The following PCDH15 variants were observed in gnomAD, a reference collection of about 807,000 sequenced individuals.
PCDH15 encodes the protein protocadherin-15.
PCDH15 carries 129 observed loss-of-function variants against 178.5 expected under a neutral mutation model. That is an observed-to-expected ratio of 0.72 (90% confidence interval 0.63 to 0.84). PCDH15 has a LOEUF of 0.84. Among genes scored for constraint, PCDH15 ranks in the 40% least tolerant of loss-of-function variants. PCDH15 has a pLI of 0.00. For missense variants in PCDH15, 2,230 were observed against 2,099.9 expected (o/e 1.06, Z -1.21); for synonymous variants, 800 against 732.0 (o/e 1.09, Z -1.50).
chr10:54,798,772 C>G (rs1464365114), intron 1 of PCDH15, among the ~76,000 whole-genome samples: 1 of 151,996 alleles, frequency 6.6e-6, no homozygotes, highest in African/African-American at 2.4e-5. Context: ...GTATTTCTCC[C>G]AGCATTAGGG....
At chr10:55,024,403 G>T (rs1365705922) in intron 2 of PCDH15, among the ~76,000 whole-genome samples, 1 of 147,584 alleles carries the variant, frequency 6.8e-6, no homozygotes, top group Non-Finnish European at 1.5e-5. Flanking sequence ...ATCTGAATCA[G>T]ATTTCATATA....
intron 1 of PCDH15, among the ~76,000 whole-genome samples, chr10:54,728,999 A>C (rs1025714209): frequency 6.6e-6 from 1 of 151,688 alleles, no homozygotes. Flanking sequence ...CATACTGTCC[A>C]AAGCTACTAC....
chr10:55,341,797 ATATATATATTTTTTTTTTTTTTT>A (rs1267945540), intron 2 of PCDH15, among the ~76,000 whole-genome samples: 3 of 11,346 alleles, frequency 2.6e-4, no homozygotes, highest in African/African-American at 3.8e-4. Flanking sequence ...ATATATATAT[ATATATATATTTTTTTTTTTTTTT>A]TTTTTTTTTT....
chr10:54,036,515 C>T (rs963688658), intron 18 of PCDH15, among the ~76,000 whole-genome samples: 1 of 151,742 alleles, frequency 6.6e-6, no homozygotes, highest in Non-Finnish European at 1.5e-5. Context: ...TTTATGGAAG[C>T]ATAAACTATG....
intron 8 of PCDH15, among the ~76,000 whole-genome samples, chr10:54,274,841 G>T (rs11004196): frequency 1.3e-5 from 2 of 151,906 alleles, no homozygotes; most frequent in East Asian, 3.9e-4. Context: ...AGCAAATAAA[G>T]AATAAATTGA....
intron 2 of PCDH15, among the ~76,000 whole-genome samples, chr10:54,617,332 A>G (rs1053253679): frequency 6.6e-6 from 1 of 152,164 alleles, no homozygotes; most frequent in African/African-American, 2.4e-5. Flanking sequence ...TGTAAAATGT[A>G]GCACTTTCGT....
At chr10:55,095,753 TA>T (rs1168209718) in intron 2 of PCDH15, among the ~76,000 whole-genome samples, 1 of 152,084 alleles carries the variant, frequency 6.6e-6, no homozygotes, top group African/African-American at 2.4e-5. Flanking sequence ...TGATAACAGG[TA>T]AAAAATTGTG....
At chr10:54,024,261 T>C (rs570453281) in intron 18 of PCDH15, among the ~76,000 whole-genome samples, 2 of 152,224 alleles carry the variant, frequency 1.3e-5, no homozygotes, top group South Asian at 2.1e-4. Flanking sequence ...AAAAGTTCCA[T>C]GTAAAAGAAA....
rs532827234 is a variant in PCDH15 at position 54,794,126 on chromosome 10, GATATAT to G, written c.-29+6793_-29+6798del. Among the ~76,000 whole-genome samples, 335 of 143,854 alleles carry G rather than the reference GATATAT, an allele frequency of 2.3e-3. 3 individuals carry two copies. Among genetic ancestry groups the G allele is most frequent in the African/African-American group, 6.8e-3 (268 of 39,272 alleles). The allele number at this position is 143,854 out of a possible 152,430, so 94.4% of individuals were successfully genotyped here. The stretch of plus-strand genomic sequence containing the variant: ...TTTCTTTCCTTTAAGATATATATAA[GATATAT>G]ATATATCTTATATATATCTTAAAGG... On this transcript the variant is annotated intron_variant, in intron 1 of 37. Transcript: ENST00000644397.
chr10:54,770,554 T>A (rs1948978509), intron 1 of PCDH15, among the ~76,000 whole-genome samples: 1 of 152,060 alleles, frequency 6.6e-6, no homozygotes, highest in African/African-American at 2.4e-5. Context: ...GGCTGTGAGG[T>A]GGACATTTAG....
At chr10:55,622,111 ATATC>A (rs1434104261) in intron 2 of PCDH15, among the ~76,000 whole-genome samples, 10 of 67,666 alleles carry the variant, frequency 1.5e-4, no homozygotes, top group Non-Finnish European at 2.2e-4. Flanking sequence ...TATATTATAT[ATATC>A]TATAAATATA....
intron 3 of PCDH15, among the ~76,000 whole-genome samples, chr10:54,500,779 T>C (rs902601504): frequency 8.6e-5 from 13 of 152,044 alleles, no homozygotes; most frequent in African/African-American, 3.1e-4. Context: ...GCTGAGATCA[T>C]GCCACTGCAC....
At chr10:55,347,313 T>A (rs911293276) in intron 2 of PCDH15, among the ~76,000 whole-genome samples, 2 of 152,152 alleles carry the variant, frequency 1.3e-5, no homozygotes, top group Non-Finnish European at 2.9e-5. Context: ...CTATAAAATA[T>A]GCTGAGGTAA....
chr10:54,615,895 G>A (rs367614140), intron 2 of PCDH15, among the ~76,000 whole-genome samples: 2 of 151,974 alleles, frequency 1.3e-5, no homozygotes, highest in Non-Finnish European at 2.9e-5. Flanking sequence ...GGAAAATGGC[G>A]ATGGATACTT....
chr10:54,248,922 C>T (rs1265783380), intron 8 of PCDH15, among the ~76,000 whole-genome samples: 1 of 151,536 alleles, frequency 6.6e-6, no homozygotes, highest in Non-Finnish European at 1.5e-5. Flanking sequence ...TTCTAAATCG[C>T]CTTAAAAATG....
intron 2 of PCDH15, among the ~76,000 whole-genome samples, chr10:55,334,242 A>ATATATATATATATATATATGTGTG (rs1291195941): frequency 1.4e-5 from 1 of 72,132 alleles, no homozygotes; most frequent in Non-Finnish European, 2.2e-5. Flanking sequence ...ATATATATAT[A>ATATATATATATATATATATGTGTG]TGTGTGTGTG....
At chr10:55,319,005 G>T (rs1022208687) in intron 1 of PCDH15, among the ~76,000 whole-genome samples, 1 of 151,862 alleles carries the variant, frequency 6.6e-6, no homozygotes, top group Non-Finnish European at 1.5e-5. Context: ...GTAGTTTGGA[G>T]TTATTATGTC....
At chr10:54,276,684 A>G (rs555044282) in intron 8 of PCDH15, among the ~76,000 whole-genome samples, 1 of 151,844 alleles carries the variant, frequency 6.6e-6, no homozygotes, top group African/African-American at 2.4e-5. Flanking sequence ...TAAAGATTAG[A>G]AAAGCTCTAA....
At chr10:55,542,139 T>C (rs573149067) in intron 2 of PCDH15, among the ~76,000 whole-genome samples, 1 of 151,420 alleles carries the variant, frequency 6.6e-6, no homozygotes, top group Non-Finnish European at 1.5e-5. Flanking sequence ...GTATTATATA[T>C]ATATGTCTAT....
Sources: gnomAD v4.1 joint callset for allele counts (sites outside exome capture counted in the v4.1 genomes callset) on GRCh38, gnomAD v4.1.1 for gene constraint, MANE v1.5 for transcripts, NCBI Gene and HGNC (gene_info 2026-07-23, HGNC 2026-07-21) for gene names.